Variants in NAA35 observed in about 807,000 individuals in gnomAD.
The protein encoded by NAA35 is N-alpha-acetyltransferase 35, NatC auxiliary subunit.
In NAA35, 18 loss-of-function variants were observed where a neutral mutation model predicts 101.7. That is an observed-to-expected ratio of 0.18 (90% confidence interval 0.12 to 0.26). The LOEUF (loss-of-function observed/expected upper bound fraction) is 0.26, where lower values mean the gene tolerates loss of function less well. NAA35 is among the 10% of genes least tolerant of loss of function. The pLI, the probability that NAA35 is intolerant of heterozygous loss-of-function variation, is 1.00. For missense variants in NAA35, 601 were observed against 886.8 expected (o/e 0.68, Z 4.09); for synonymous variants, 267 against 273.1 (o/e 0.98, Z 0.22).
intron 11 of NAA35, among the ~76,000 whole-genome samples, chr9:85,981,136 A>G (rs1830420837): frequency 6.6e-6 from 1 of 152,142 alleles, no homozygotes; most frequent in South Asian, 2.1e-4. Context: ...GTATGTATTT[A>G]TCATCATTTT....
intron 2 of NAA35, among the ~76,000 whole-genome samples, chr9:85,951,452 C>T (rs1420029591): frequency 2.6e-5 from 4 of 152,082 alleles, no homozygotes; most frequent in African/African-American, 7.2e-5. Flanking sequence ...AAAAGCTTGA[C>T]AGGTGGTAGT....
chr9:86,002,668 CA>C (rs1316886651), intron 12 of NAA35, among the ~76,000 whole-genome samples: 1 of 152,084 alleles, frequency 6.6e-6, no homozygotes, highest in Non-Finnish European at 1.5e-5. Context: ...CTTGTGATTG[CA>C]TAGTGAAATT....
intron 2 of NAA35, among the ~76,000 whole-genome samples, chr9:85,950,755 T>C (rs1340074741): frequency 6.6e-6 from 1 of 152,254 alleles, no homozygotes; most frequent in Non-Finnish European, 1.5e-5. Context: ...CCCATTATAC[T>C]TTTTAAAATT....
chr9:86,004,066 A>G (rs1381192231), intron 13 of NAA35, among the ~76,000 whole-genome samples: 4 of 152,140 alleles, frequency 2.6e-5, no homozygotes, highest in African/African-American at 9.7e-5. Flanking sequence ...AGATACAAAT[A>G]AAGCAGCGCT....
intron 5 of NAA35, among the ~76,000 whole-genome samples, chr9:85,961,335 A>T (rs1380049583): frequency 1.3e-5 from 2 of 152,196 alleles, no homozygotes; most frequent in Admixed American, 1.3e-4. Context: ...GTTTCTTTAC[A>T]TATAAAAGGA....
intron 15 of NAA35, 128 bp from the exon 16 acceptor site, chr9:86,012,918 A>C: frequency 4.3e-6 from 2 of 467,486 alleles, no homozygotes; most frequent in East Asian, 6.6e-5. Flanking sequence ...TTAAAAGTAT[A>C]CATAGACCTA....
rs1178912105 is a variant in NAA35 at position 85,942,004 on chromosome 9, T to G, written c.-5-151T>G. ...GTGCGATTTGATTGCATTAAGGTTA[T>G]TCTTTGCAGTACTGTCCTTAGACTC... On this transcript the variant is annotated intron_variant, in intron 1 of 22. Transcript: ENST00000361671. 3.9e-6 allele frequency: 5 copies of G among 1,297,204 alleles called. No individual in the cohort carries two copies. In the African/African-American group the frequency reaches 6.0e-5, roughly 15 times the overall value. 80.4% of individuals were successfully genotyped at this position (1,297,204 alleles called of 1,614,324 possible). A position where few individuals can be genotyped will look rare whatever the true frequency, so the allele number is the denominator to read the frequency against.
chr9:86,009,783 G>A lies in NAA35; in HGVS notation c.1224-82G>A, dbSNP rs968714390. 1.2e-5 allele frequency: 12 copies of A among 963,786 alleles called. No homozygotes were observed. In the African/African-American group the frequency reaches 1.5e-4, roughly 12 times the overall value. 59.7% of individuals were successfully genotyped at this position (963,786 alleles called of 1,614,324 possible). The stretch of plus-strand genomic sequence containing the variant: ...ATTTTCTCTTTTATTCACCTTCTCT[G>A]TCATTTGGTAGCATCTGCAGTAATT... On this transcript the variant is annotated intron_variant, in intron 14 of 22. Transcript: ENST00000361671.
intron 11 of NAA35, among the ~76,000 whole-genome samples, chr9:85,993,005 A>C (rs1830983987): frequency 1.3e-5 from 2 of 152,106 alleles, no homozygotes; most frequent in Admixed American, 1.3e-4. Context: ...TGCTTTTGAT[A>C]TGTGAATGGA....
intron 2 of NAA35, among the ~76,000 whole-genome samples, chr9:85,943,868 A>G (rs1828635051): frequency 6.6e-6 from 1 of 152,230 alleles, no homozygotes; most frequent in African/African-American, 2.4e-5. Flanking sequence ...GACTGAGATG[A>G]ACTATGTGAG....
chr9:85,946,812 C>T (rs1564283616), intron 2 of NAA35, among the ~76,000 whole-genome samples: 1 of 152,046 alleles, frequency 6.6e-6, no homozygotes, highest in Non-Finnish European at 1.5e-5. Flanking sequence ...CCTCCGTAGT[C>T]AGTCTTTATT....
intron 2 of NAA35, among the ~76,000 whole-genome samples, chr9:85,949,663 T>C (rs977983145): frequency 6.6e-6 from 1 of 152,172 alleles, no homozygotes; most frequent in African/African-American, 2.4e-5. Context: ...ACTTTTCTTT[T>C]CTCCTGTGAT....
chr9:85,974,043 A>G (rs1587601255), intron 6 of NAA35, among the ~76,000 whole-genome samples: 1 of 151,716 alleles, frequency 6.6e-6, no homozygotes, highest in Admixed American at 6.6e-5. Flanking sequence ...TGCAGCCTCC[A>G]CCTCCTGCGT....
chr9:85,988,098 C>T (rs1398988065), intron 11 of NAA35, among the ~76,000 whole-genome samples: 7 of 152,306 alleles, frequency 4.6e-5, no homozygotes, highest in East Asian at 1.9e-4. Context: ...CACATGCACA[C>T]GGGCACATCA....
At chr9:86,007,771 A>C (rs1655626132) in intron 14 of NAA35, among the ~76,000 whole-genome samples, 1 of 152,196 alleles carries the variant, frequency 6.6e-6, no homozygotes, top group Admixed American at 6.5e-5. Context: ...GATTGCATGC[A>C]GAAAGAATCA....
At chr9:86,019,733 CGCTTCCATAGAG>C (rs1478971357) in intron 21 of NAA35, among the ~76,000 whole-genome samples, 1 of 152,114 alleles carries the variant, frequency 6.6e-6, no homozygotes, top group African/African-American at 2.4e-5. Context: ...ATCTTGGGAC[CGCTTCCATAGAG>C]GCGTAGCTTA....
At chr9:86,015,019 C>G (rs980233009) in intron 17 of NAA35, among the ~76,000 whole-genome samples, 14 of 152,252 alleles carry the variant, frequency 9.2e-5, no homozygotes, top group African/African-American at 3.1e-4. Context: ...CCACCTCAGC[C>G]TCTCAAGTAG....
chr9:86,018,189 G>A, intron 19 of NAA35, 66 bp from the exon 20 acceptor site: 1 of 1,434,460 alleles, frequency 7.0e-7, no homozygotes, highest in Non-Finnish European at 9.6e-7. Context: ...CTTCCATTCT[G>A]TATTGATGAG....
chr9:86,021,840 G>T, intron 22 of NAA35, 61 bp from the exon 23 acceptor site: 1 of 1,300,268 alleles, frequency 7.7e-7, no homozygotes. Flanking sequence ...AATAGTCTTT[G>T]TTTTGTGTAC....
Sources: allele counts gnomAD v4.1 joint callset (sites outside exome capture counted in the v4.1 genomes callset), GRCh38; gene constraint gnomAD v4.1.1; transcripts MANE v1.5; gene names NCBI Gene and HGNC (gene_info 2026-07-23, HGNC 2026-07-21).